The following HERC2 variants were observed in gnomAD, a reference collection of about 807,000 sequenced individuals.
HERC2 encodes E3 ubiquitin-protein ligase HERC2.
In HERC2, 102 loss-of-function variants were observed where a neutral mutation model predicts 537.7. The observed-to-expected ratio is 0.19, with a 90% CI of 0.16 to 0.22. The LOEUF (loss-of-function observed/expected upper bound fraction) is 0.22, where lower values mean the gene tolerates loss of function less well. Ranked by LOEUF, HERC2 falls within the 10% of genes least tolerant of loss-of-function variation. The probability of loss-of-function intolerance (pLI) is 1.00; values close to 1 mark genes in which losing one functional copy is unlikely to be tolerated. For missense variants in HERC2, 4,236 were observed against 6,198.2 expected (o/e 0.68, Z 10.63); for synonymous variants, 2,224 against 2,466.2 (o/e 0.90, Z 2.91).
Position 28,309,728 on chromosome 15 carries a change from G to C in HERC2, c.73-10212C>G, listed in dbSNP as rs567057027. On this transcript the variant is annotated intron_variant, in intron 2 of 92. Transcript: ENST00000261609. ...ACAGCCTGTGACACCTGAAGTAGAG[G>C]ATAGAACTAAGCTATGGCCAGACTC... 5.0e-4 allele frequency among the ~76,000 whole-genome samples: 76 copies of C among 152,028 alleles called. No individual in the cohort carries two copies. The East Asian group carries it at 9.5e-3, about 19-fold the overall frequency.
intron 81 of HERC2, 106 bp downstream of exon 81, chr15:28,131,993 CG>C: frequency 1.1e-6 from 1 of 946,054 alleles, no homozygotes; most frequent in Non-Finnish European, 1.6e-6. Flanking sequence ...GGAGCACACA[CG>C]GGGGACAGTA....
intron 3 of HERC2, among the ~76,000 whole-genome samples, chr15:28,298,275 T>TC (rs1354288569): frequency 1.4e-5 from 2 of 145,166 alleles, no homozygotes; most frequent in Non-Finnish European, 3.0e-5. Flanking sequence ...TGCCGTGCCC[T>TC]CCCAAGTAGC....
In HERC2 at chr15:28,255,864, A is replaced by G. The variant is rs746210816; in HGVS notation, c.2871+8T>C. 4.4e-6 allele frequency: 7 copies of G among 1,598,154 alleles called. No homozygotes were observed. The highest frequency in any genetic ancestry group is 1.3e-5 in the African/African-American group (1 of 74,994). On this transcript the variant is annotated splice_region_variant and intron_variant, in intron 19 of 92. Coordinates refer to ENST00000261609, the MANE Select transcript of HERC2 (RefSeq NM_004667.6). ...ACCACCAGGTCACGTGTGCCTCCAA[A>G]GCCATACCTGGATCTCTGCAGTAAT...
At chr15:28,241,786 C>G (rs191629642) in intron 23 of HERC2, among the ~76,000 whole-genome samples, 1 of 152,144 alleles carries the variant, frequency 6.6e-6, no homozygotes, top group East Asian at 1.9e-4. Flanking sequence ...CACCACTGCA[C>G]TCCAACCTGG....
intron 56 of HERC2, among the ~76,000 whole-genome samples, chr15:28,184,792 G>A (rs1896148299): frequency 6.6e-6 from 1 of 151,568 alleles, no homozygotes. Flanking sequence ...AACCCAGGAA[G>A]CGGAGCTTGC....
chr15:28,124,013 G>A, intron 85 of HERC2, 24 bp downstream of exon 85: 1 of 1,550,980 alleles, frequency 6.4e-7, no homozygotes, highest in Non-Finnish European at 8.7e-7. Flanking sequence ...GTTTCCCCTA[G>A]AGCAAAGATT....
At chr15:28,168,749 T>A (rs1029843767) in intron 66 of HERC2, among the ~76,000 whole-genome samples, 159 bp from the exon 67 acceptor site, 4 of 152,240 alleles carry the variant, frequency 2.6e-5, no homozygotes, top group African/African-American at 9.6e-5. Context: ...TTACCATGTA[T>A]CCTTTGGCTA....
chr15:28,255,538 A>AC, intron 19 of HERC2, among the ~76,000 whole-genome samples: 1 of 152,340 alleles, frequency 6.6e-6, no homozygotes, highest in Non-Finnish European at 1.5e-5. Flanking sequence ...TGCGACACTC[A>AC]GAGCAGGAAA....
At chr15:28,201,407 T>C in intron 48 of HERC2, 49 bp downstream of exon 48, 1 of 1,201,864 alleles carries the variant, frequency 8.3e-7, no homozygotes, top group South Asian at 1.2e-5. Flanking sequence ...ACTCAAATAT[T>C]TGCTGAATGA....
intron 78 of HERC2, among the ~76,000 whole-genome samples, chr15:28,138,999 T>C (rs748279192): frequency 6.6e-6 from 1 of 152,330 alleles, no homozygotes; most frequent in East Asian, 1.9e-4. Flanking sequence ...TGACCTCAGA[T>C]GTGGTGGAAA....
At chr15:28,294,124 C>G (rs559590983) in intron 3 of HERC2, among the ~76,000 whole-genome samples, 8 of 152,184 alleles carry the variant, frequency 5.3e-5, no homozygotes, top group Admixed American at 1.3e-4. Flanking sequence ...ACTTTTGCAC[C>G]AAGTAATTCT....
chr15:28,182,913 G>A (rs1895960649), intron 56 of HERC2, among the ~76,000 whole-genome samples: 1 of 152,192 alleles, frequency 6.6e-6, no homozygotes, highest in South Asian at 2.1e-4. Context: ...GCCACGCTGG[G>A]TCTGGCCTTG....
intron 21 of HERC2, among the ~76,000 whole-genome samples, chr15:28,247,371 T>G (rs1249544524): frequency 6.6e-6 from 1 of 151,624 alleles, no homozygotes; most frequent in Admixed American, 6.6e-5. Flanking sequence ...AAAACAAAGT[T>G]AGGCACTTTT....
intron 17 of HERC2, 84 bp downstream of exon 17, chr15:28,256,977 C>G (rs1359121256): frequency 1.7e-6 from 2 of 1,149,352 alleles, no homozygotes; most frequent in East Asian, 4.7e-5. Context: ...AGGCTAAAAC[C>G]CATGCCCTTC....
At chr15:28,178,208 C>T (rs543054183) in intron 59 of HERC2, among the ~76,000 whole-genome samples, 39 of 152,252 alleles carry the variant, frequency 2.6e-4, no homozygotes, top group Non-Finnish European at 4.0e-4. Flanking sequence ...GTGGGGCTTC[C>T]GAGGGGCTCT....
chr15:28,180,119 A>T (rs989018693), intron 57 of HERC2, among the ~76,000 whole-genome samples: 1 of 152,182 alleles, frequency 6.6e-6, no homozygotes, highest in Non-Finnish European at 1.5e-5. Flanking sequence ...TCCATTATTC[A>T]TGGTAAGTGC....
At position 28,238,169 on chromosome 15, in the gene HERC2, T is replaced by C; in HGVS notation, c.3797A>G (p.Gln1266Arg). Residue 1266 changes from glutamine (Q) to arginine (R), a missense_variant, in exon 25 of 93, where the codon CAG (glutamine) becomes CGG (arginine). This residue lies in a region of HERC2 where 754 missense variants were observed against 1,085.0 expected (regional missense o/e 0.69). Coordinates refer to ENST00000261609, the MANE Select transcript of HERC2 (RefSeq NM_004667.6). ...DPVVALEAAL[Q>R]FEDTRESMHA... ...CATGGATTCCCGGGTGTCTTCAAAC[T>C]GCAAAGCAGCTTCCAAAGCTACCAC... The C allele has an allele frequency of 6.2e-7, 1 of 1,611,856 alleles. No individual in the cohort carries two copies. Among genetic ancestry groups the C allele is most frequent in the East Asian group, 2.2e-5 (1 of 44,878 alleles).
rs1445601412 is a variant in HERC2, at chr15:28,142,344, C to T, written c.11594G>A (p.Cys3865Tyr). ...CCAGGCCCACTTGTGCGTCTCGGCA[C>T]AGCAAGGCAGAGTGTCCAGCTCCAG... ...CDLELDTLPC[C>Y]AETHKWAWFR... The change falls in exon 76 of 93, where the codon TGT becomes TAT. Residue 3865 changes from cysteine to tyrosine, a missense_variant. Coordinates refer to ENST00000261609, the MANE Select transcript of HERC2 (RefSeq NM_004667.6). The T allele has an allele frequency of 1.2e-6, 2 of 1,614,130 alleles. No homozygotes were observed. Among genetic ancestry groups the T allele is most frequent in the East Asian group, 2.2e-5 (1 of 44,880 alleles).
chr15:28,190,355 T>C (rs1273710143), intron 55 of HERC2: 1 of 152,342 alleles, frequency 6.6e-6, no homozygotes, highest in African/African-American at 2.4e-5. Context: ...TTTACATATA[T>C]TTAATGTATT....
Sources: allele counts gnomAD v4.1 joint callset (sites outside exome capture counted in the v4.1 genomes callset), GRCh38; gene constraint gnomAD v4.1.1; regional missense constraint gnomAD v4.1.1; transcripts MANE v1.5; gene names NCBI Gene and HGNC (gene_info 2026-07-23, HGNC 2026-07-21).